LMBR1: variants seen among roughly 807,000 people sequenced by gnomAD.
LMBR1 encodes limb region 1 protein homolog.
A neutral mutation model predicts 73.9 loss-of-function variants in LMBR1; 52 were observed. The ratio of observed to expected loss-of-function variants is 0.70; its 90% CI spans 0.56 to 0.89. The LOEUF (loss-of-function observed/expected upper bound fraction) is 0.89. Ranked by LOEUF, LMBR1 falls within the 40% of genes least tolerant of loss-of-function variation. LMBR1 has a pLI of 0.00. For synonymous variants in LMBR1, 215 were observed against 209.4 expected, an observed-to-expected ratio of 1.03 and a Z score of -0.23; for missense variants, 539 against 579.8, an observed-to-expected ratio of 0.93 and a Z score of 0.72.
chr7:156,873,410 C>T (rs1799638544), intron 1 of LMBR1, among the ~76,000 whole-genome samples: 1 of 152,122 alleles, frequency 6.6e-6, no homozygotes, highest in African/African-American at 2.4e-5. Flanking sequence ...TTAGCAGTAG[C>T]AAGATTTATT....
chr7:156,708,587 G>C (rs1210290489), intron 15 of LMBR1, among the ~76,000 whole-genome samples: 1 of 151,612 alleles, frequency 6.6e-6, no homozygotes, highest in Non-Finnish European at 1.5e-5. Context: ...GTTACAGGAT[G>C]AAAGAAGCTT....
chr7:156,747,028 G>T (rs1451545744), intron 9 of LMBR1, among the ~76,000 whole-genome samples: 1 of 152,084 alleles, frequency 6.6e-6, no homozygotes, highest in East Asian at 1.9e-4. Context: ...CTCATTTAAG[G>T]TCAATTTAAT....
downstream of LMBR1, among the ~76,000 whole-genome samples, chr7:156,672,973 G>A (rs1291849779): frequency 1.3e-5 from 2 of 152,222 alleles, no homozygotes; most frequent in East Asian, 3.9e-4. Context: ...GGCTCACCCC[G>A]CGGACTGTGG....
intron 1 of LMBR1, among the ~76,000 whole-genome samples, chr7:156,873,447 AC>A (rs1799645223): frequency 6.6e-6 from 1 of 152,160 alleles, no homozygotes; most frequent in African/African-American, 2.4e-5. Flanking sequence ...CAAAGCTTCC[AC>A]AGTGTGGAAG....
intron 15 of LMBR1, among the ~76,000 whole-genome samples, chr7:156,700,015 C>T (rs574954585): frequency 1.0e-3 from 156 of 152,278 alleles, no homozygotes; most frequent in African/African-American, 3.5e-3. Context: ...ACTAGAAATA[C>T]CATTTGACCC....
At chr7:156,873,128 G>T (rs1799578418) in intron 1 of LMBR1, among the ~76,000 whole-genome samples, 1 of 152,230 alleles carries the variant, frequency 6.6e-6, no homozygotes, top group Non-Finnish European at 1.5e-5. Flanking sequence ...CTCTTGCGGT[G>T]AGTGTTACAG....
rs568664207 is a variant in LMBR1, at chr7:156,868,474, G to C, written c.66+24454C>G. Reference sequence around the variant, plus strand: ...GCAGATCACAAGGTCAGGAGTTCAAGACCAGCCTGACCAACGTGGTGAAAC... The same window carrying C: ...GCAGATCACAAGGTCAGGAGTTCAACACCAGCCTGACCAACGTGGTGAAAC... On this transcript the variant is annotated intron_variant, in intron 1 of 16. Coordinates refer to ENST00000353442, the MANE Select transcript of LMBR1 (RefSeq NM_022458.4). 2.3e-4 allele frequency among the ~76,000 whole-genome samples: 35 copies of C among 152,150 alleles called. 2 individuals carry two copies. In the South Asian group the frequency reaches 7.3e-3, roughly 32 times the overall value.
At chr7:156,684,190 G>T in intron 16 of LMBR1, 27 bp from the exon 17 acceptor site, 1 of 1,541,644 alleles carries the variant, frequency 6.5e-7, no homozygotes, top group Non-Finnish European at 9.0e-7. Context: ...AAAATGGTGA[G>T]AAATGATATA....
In LMBR1 at chr7:156,685,299, C is replaced by T. The variant is rs1433215604; in HGVS notation, c.1388-1136G>A. Among the ~76,000 whole-genome samples, 2 of 152,188 alleles carry T rather than the reference C, an allele frequency of 1.3e-5. No individual in the cohort carries two copies. Among genetic ancestry groups the T allele is most frequent in the Admixed American group, 1.3e-4 (2 of 15,278 alleles). ...TGTAAGAGCTTCTGTGGCACTGGAG[C>T]GTCAAGCACTTTAATAAAAATGAAA... is the stretch of plus-strand genomic sequence containing the variant. On this transcript the variant is annotated intron_variant, in intron 16 of 16. Coordinates refer to ENST00000353442, the MANE Select transcript of LMBR1 (RefSeq NM_022458.4). The surrounding 1 kb of genome is among the most constrained non-coding windows in gnomAD (Gnocchi z 4.1).
chr7:156,888,337 G>C (rs961429042), intron 1 of LMBR1, among the ~76,000 whole-genome samples: 3 of 151,724 alleles, frequency 2.0e-5, no homozygotes, highest in Non-Finnish European at 4.4e-5. Flanking sequence ...ATGAACCGGG[G>C]GGGCGGAGCT....
At chr7:156,742,110 C>T (rs983039395) in intron 9 of LMBR1, among the ~76,000 whole-genome samples, 4 of 151,852 alleles carry the variant, frequency 2.6e-5, no homozygotes, top group African/African-American at 9.7e-5. Flanking sequence ...ATAATGGAAG[C>T]ACAACATACC....
At chr7:156,874,462 G>A (rs1248935451) in intron 1 of LMBR1, among the ~76,000 whole-genome samples, 1 of 152,256 alleles carries the variant, frequency 6.6e-6, no homozygotes, top group Non-Finnish European at 1.5e-5. Flanking sequence ...AGTGCAGCGG[G>A]GGGCCGAAGG....
intron 15 of LMBR1, among the ~76,000 whole-genome samples, chr7:156,689,159 T>C (rs1806615380): frequency 6.6e-6 from 1 of 152,092 alleles, no homozygotes; most frequent in Non-Finnish European, 1.5e-5. Context: ...AATACATGAA[T>C]GGTAGGATTT....
At chr7:156,810,543 C>T (rs903197415) in intron 4 of LMBR1, among the ~76,000 whole-genome samples, 14 of 152,110 alleles carry the variant, frequency 9.2e-5, no homozygotes, top group Non-Finnish European at 1.8e-4. Flanking sequence ...CAGGCATGCA[C>T]CACCACGCCT....
intron 9 of LMBR1, among the ~76,000 whole-genome samples, chr7:156,746,233 T>A (rs1367223522): frequency 6.6e-6 from 1 of 152,198 alleles, no homozygotes; most frequent in Non-Finnish European, 1.5e-5. Context: ...CTTGTATATC[T>A]CATTGACTGG....
chr7:156,888,409 C>CAAAAAAAAAAAAAAAAA (rs57071729), intron 1 of LMBR1, among the ~76,000 whole-genome samples: 1 of 91,948 alleles, frequency 1.1e-5, no homozygotes, highest in African/African-American at 4.0e-5. Context: ...GACTCTGTCT[C>CAAAAAAAAAAAAAAAAA]AAAAAAAAAA....
intron 5 of LMBR1, among the ~76,000 whole-genome samples, chr7:156,767,459 T>C (rs1824299482): frequency 6.6e-6 from 1 of 151,978 alleles, no homozygotes; most frequent in South Asian, 2.1e-4. Flanking sequence ...GACATTCAGA[T>C]GAGAAAAAAA....
At chr7:156,697,102 G>A (rs1294989439) in intron 15 of LMBR1, among the ~76,000 whole-genome samples, 1 of 152,160 alleles carries the variant, frequency 6.6e-6, no homozygotes, top group Non-Finnish European at 1.5e-5. Flanking sequence ...CGCCAGGGGT[G>A]ACATCACATA....
At chr7:156,847,669 CA>C (rs1795684713) in intron 1 of LMBR1, among the ~76,000 whole-genome samples, 1 of 152,078 alleles carries the variant, frequency 6.6e-6, no homozygotes, top group African/African-American at 2.4e-5. Flanking sequence ...AATAAGCACA[CA>C]AAAAGATGCT....
Sources: gnomAD v4.1 joint callset for allele counts (sites outside exome capture counted in the v4.1 genomes callset) on GRCh38, gnomAD v4.1.1 for gene constraint, Gnocchi (gnomAD v3.1) non-coding constraint, MANE v1.5 for transcripts, NCBI Gene and HGNC (gene_info 2026-07-23, HGNC 2026-07-21) for gene names.